Variants in CTTNBP2NL observed in about 807,000 individuals in gnomAD.
CTTNBP2NL encodes CTTNBP2 N-terminal like.
Under a neutral mutation model 32.5 loss-of-function variants are expected in CTTNBP2NL, and 16 were observed. That is an observed-to-expected ratio of 0.49 (90% CI 0.33 to 0.75). The LOEUF is 0.75. CTTNBP2NL is among the 30% of genes least tolerant of loss of function. The probability of loss-of-function intolerance (pLI) is 0.02; values close to 1 mark genes in which losing one functional copy is unlikely to be tolerated. For synonymous variants in CTTNBP2NL, 298 were observed against 289.4 expected (o/e 1.03, Z -0.30); for missense variants, 645 against 756.0 (o/e 0.85, Z 1.72).
intron 1 of CTTNBP2NL, among the ~76,000 whole-genome samples, chr1:112,402,293 C>T (rs1648528988): frequency 6.6e-6 from 1 of 152,130 alleles, no homozygotes; most frequent in South Asian, 2.1e-4. Context: ...TAGCACATGC[C>T]TGTAATCCCA....
At chr1:112,403,484 T>A (rs1648566034) in intron 1 of CTTNBP2NL, among the ~76,000 whole-genome samples, 1 of 152,236 alleles carries the variant, frequency 6.6e-6, no homozygotes, top group Non-Finnish European at 1.5e-5. Flanking sequence ...CAGAGTCTTG[T>A]GAGACAGAAG....
In CTTNBP2NL at chr1:112,416,195, A is replaced by C. The variant is rs1273012629; in HGVS notation, c.30A>C (p.Glu10Asp). ...ATCTGGAAAAACTCAGCAAGCCTGA[A>C]CTCCTGACACTATTTAGTATTCTTG... MNLEKLSKPELLTLFSILEG... is the reference protein window; with the variant it reads MNLEKLSKPDLLTLFSILEG... Residue 10 changes from glutamate to aspartate, a missense_variant, in exon 3 of 6, where the codon GAA becomes GAC. Transcript: ENST00000271277. 1 of 1,608,280 alleles carries C rather than the reference A, an allele frequency of 6.2e-7. No individual in the cohort carries two copies. Among genetic ancestry groups the C allele is most frequent in the East Asian group, 2.2e-5 (1 of 44,724 alleles).
rs912843127 is a variant in CTTNBP2NL, at chr1:112,459,832, A to T, written c.*2420A>T. The T allele has an allele frequency of 6.6e-6, 1 of 152,226 alleles. No homozygotes were observed. The highest frequency in any genetic ancestry group is 1.5e-5 in the Non-Finnish European group (1 of 68,042). 9.4% of individuals were successfully genotyped at this position (152,226 alleles called of 1,614,324 possible). A position where few individuals can be genotyped will look rare whatever the true frequency, so the allele number is the denominator to read the frequency against. ...ATAGATATATATAGAGAGAGATACTATAAGGAAGTTTATTTCTTAGGAAGT... is the reference window on the plus strand; with the variant it reads ...ATAGATATATATAGAGAGAGATACTTTAAGGAAGTTTATTTCTTAGGAAGT... On this transcript the variant is annotated 3_prime_UTR_variant, in exon 6 of 6. Transcript: ENST00000271277.
At position 112,458,139 on chromosome 1, in the gene CTTNBP2NL, T is replaced by G. The variant is rs894661098; in HGVS notation, c.*727T>G. ...TTCCTGCATAAGTTCTTGAACAGAATGAAATCACATCTCCATTCAAAAAAT... is the reference window on the plus strand; with the variant it reads ...TTCCTGCATAAGTTCTTGAACAGAAGGAAATCACATCTCCATTCAAAAAAT... On this transcript the variant is annotated 3_prime_UTR_variant, in exon 6 of 6. Coordinates refer to ENST00000271277, the MANE Select transcript of CTTNBP2NL (RefSeq NM_018704.3). The G allele has an allele frequency of 3.3e-5, 5 of 152,668 alleles. No individual in the cohort carries two copies. Among genetic ancestry groups the G allele is most frequent in the African/African-American group, 9.6e-5 (4 of 41,458 alleles). The allele number at this position is 152,668 out of a possible 1,614,324, so 9.5% of individuals were successfully genotyped here.
intron 3 of CTTNBP2NL, among the ~76,000 whole-genome samples, chr1:112,418,594 G>A (rs976521776): frequency 5.3e-5 from 8 of 151,760 alleles, no homozygotes; most frequent in African/African-American, 1.2e-4. Context: ...CTTTATGAAC[G>A]TCTTTCCCTT....
At chr1:112,393,543 C>A (rs1232322534), upstream of CTTNBP2NL, among the ~76,000 whole-genome samples, 2 of 152,158 alleles carry the variant, frequency 1.3e-5, no homozygotes, top group Non-Finnish European at 1.5e-5. Context: ...CACCTATGCA[C>A]CAGACTCTAA....
intron 1 of CTTNBP2NL, among the ~76,000 whole-genome samples, chr1:112,407,990 A>G (rs1030728143): frequency 2.0e-5 from 3 of 151,104 alleles, no homozygotes; most frequent in African/African-American, 7.3e-5. Flanking sequence ...GACTACAGGC[A>G]CACATGCCAC....
upstream of CTTNBP2NL, among the ~76,000 whole-genome samples, chr1:112,391,503 G>T (rs917937503): frequency 3.3e-5 from 5 of 152,182 alleles, no homozygotes; most frequent in Non-Finnish European, 5.9e-5. Flanking sequence ...GATTGAGCAA[G>T]ATCTCCCAGG....
chr1:112,404,543 A>G (rs1648603075), intron 1 of CTTNBP2NL, among the ~76,000 whole-genome samples: 1 of 152,166 alleles, frequency 6.6e-6, no homozygotes. Context: ...GGCTGCCTCT[A>G]GAATTGTGGC....
intron 3 of CTTNBP2NL, among the ~76,000 whole-genome samples, chr1:112,446,205 A>AC (rs1322088247): frequency 1.3e-5 from 2 of 151,384 alleles, no homozygotes; most frequent in East Asian, 3.9e-4. Context: ...TGGAAAAAAA[A>AC]AAAAAAACAA....
intron 3 of CTTNBP2NL, among the ~76,000 whole-genome samples, chr1:112,426,057 G>A (rs2101011322): frequency 6.6e-6 from 1 of 150,902 alleles, no homozygotes; most frequent in Middle Eastern, 3.4e-3. Context: ...AAGTAGAAAT[G>A]ATGGGGATAT....
chr1:112,395,973 G>A (rs114283498), upstream of CTTNBP2NL, among the ~76,000 whole-genome samples: 2,980 of 152,312 alleles, frequency 0.02, 96 homozygotes, highest in African/African-American at 0.068. Context: ...GGAGGGGCGC[G>A]AGCCCACCCT....
intron 4 of CTTNBP2NL, among the ~76,000 whole-genome samples, chr1:112,452,344 T>A (rs1030814704): frequency 7.0e-6 from 1 of 143,424 alleles, no homozygotes; most frequent in African/African-American, 2.7e-5. Flanking sequence ...TCTTTTTTTT[T>A]TTTTTTTTTT....
chr1:112,449,727 G>T (rs1043909798), intron 4 of CTTNBP2NL, among the ~76,000 whole-genome samples: 13 of 88,724 alleles, frequency 1.5e-4, no homozygotes, highest in African/African-American at 4.1e-4. Flanking sequence ...ATTAGTGAGG[G>T]GTGTGTGTGT....
intron 2 of CTTNBP2NL, among the ~76,000 whole-genome samples, chr1:112,413,536 C>T (rs1247216871): frequency 6.6e-6 from 1 of 152,140 alleles, no homozygotes; most frequent in Admixed American, 6.5e-5. Context: ...GATAACTTGC[C>T]CAGTCACACA....
At chr1:112,406,460 G>A (rs1648671463) in intron 1 of CTTNBP2NL, among the ~76,000 whole-genome samples, 1 of 152,164 alleles carries the variant, frequency 6.6e-6, no homozygotes, top group African/African-American at 2.4e-5. Context: ...TACTAGCTGT[G>A]AGGCTTTGAG....
At chr1:112,420,649 TG>T (rs1649200857) in intron 3 of CTTNBP2NL, among the ~76,000 whole-genome samples, 1 of 152,022 alleles carries the variant, frequency 6.6e-6, no homozygotes, top group South Asian at 2.1e-4. Context: ...TTGTATTTTT[TG>T]TAGAGACAGG....
At chr1:112,449,696 A>C (rs1191603530) in intron 4 of CTTNBP2NL, among the ~76,000 whole-genome samples, 1 of 151,326 alleles carries the variant, frequency 6.6e-6, no homozygotes, top group South Asian at 2.1e-4. Context: ...TGGTTTATTT[A>C]CCTTAAAGGT....
upstream of CTTNBP2NL, among the ~76,000 whole-genome samples, chr1:112,394,205 T>TAAAAAA (rs60528857): frequency 4.1e-5 from 3 of 73,236 alleles, no homozygotes; most frequent in African/African-American, 4.6e-5. Flanking sequence ...TCCATCTCGA[T>TAAAAAA]AAAAAAAAAA....
Sources: gnomAD v4.1 joint callset for allele counts (sites outside exome capture counted in the v4.1 genomes callset) on GRCh38, gnomAD v4.1.1 for gene constraint, MANE v1.5 for transcripts, NCBI Gene and HGNC (gene_info 2026-07-23, HGNC 2026-07-21) for gene names.